TUT7: variants seen among roughly 807,000 people sequenced by gnomAD.
The protein encoded by TUT7 is terminal uridylyl transferase 7.
TUT7 carries 33 observed loss-of-function variants against 165.9 expected under a neutral mutation model. The observed-to-expected ratio is 0.20, with a 90% CI of 0.15 to 0.27. TUT7 has a LOEUF of 0.27. Among genes scored for constraint, TUT7 ranks in the 10% least tolerant of loss-of-function variants. The pLI is 1.00. For missense variants in TUT7, 1,338 were observed against 1,762.3 expected (o/e 0.76, Z 4.31); for synonymous variants, 552 against 608.1 (o/e 0.91, Z 1.36).
Position 86,323,813 on chromosome 9 carries a change from G to A in TUT7, c.1937C>T (p.Ala646Val), listed in dbSNP as rs372250530. ...AGAATGTTCTGAAATACATGTAATT[G>A]CATTCAGAGGCTTTAGAAGGCTGGA... is the stretch of plus-strand genomic sequence containing the variant. ...TKSSLLKPLN[A>V]ITCISEHSKE... Residue 646 changes from alanine (A) to valine (V), a missense_variant, in exon 13 of 27, where the codon GCA becomes GTA. Physicochemically the swap from Ala to Val is moderately conservative, Grantham distance 64 (BLOSUM62 0). Transcript: ENST00000375963. 3.1e-6 allele frequency: 5 copies of A among 1,613,836 alleles called. No individual in the cohort carries two copies. In the African/African-American group the frequency reaches 4.0e-5, roughly 13 times the overall value.
intron 26 of TUT7, among the ~76,000 whole-genome samples, chr9:86,300,402 A>G (rs1348611461): frequency 6.6e-6 from 1 of 152,204 alleles, no homozygotes; most frequent in African/African-American, 2.4e-5. Context: ...CCACAAACAT[A>G]TATATACAAC....
At chr9:86,344,051 TA>T (rs1309315390) in intron 5 of TUT7, among the ~76,000 whole-genome samples, 2 of 152,224 alleles carry the variant, frequency 1.3e-5, no homozygotes, top group African/African-American at 4.8e-5. Context: ...AAAATGAGAT[TA>T]TTTTCCCTTA....
intron 10 of TUT7, 46 bp from the exon 11 acceptor site, chr9:86,328,538 A>G (rs1326644751): frequency 2.6e-6 from 4 of 1,521,646 alleles, no homozygotes; most frequent in Non-Finnish European, 3.6e-6. Flanking sequence ...AAATAATCTT[A>G]TATCAAACAC....
chr9:86,322,850 T>C (rs1024331785), intron 13 of TUT7, 23 bp downstream of exon 13: 5 of 1,545,442 alleles, frequency 3.2e-6, no homozygotes, highest in South Asian at 1.3e-5. Context: ...CCTAGTTCTA[T>C]GACTAGTGGT....
At chr9:86,307,371 CAT>C (rs968169367) in intron 22 of TUT7, among the ~76,000 whole-genome samples, 13 of 152,144 alleles carry the variant, frequency 8.5e-5, no homozygotes, top group South Asian at 2.1e-4. Context: ...GTGTTTGACA[CAT>C]GAGATCTTTA....
intron 6 of TUT7, 55 bp downstream of exon 6, chr9:86,343,020 T>A: frequency 8.6e-7 from 1 of 1,158,994 alleles, no homozygotes; most frequent in Non-Finnish European, 1.3e-6. Flanking sequence ...TTTACATTTG[T>A]AAGAAAGAAT....
intron 26 of TUT7, among the ~76,000 whole-genome samples, chr9:86,297,911 G>A (rs1826487676): frequency 1.9e-5 from 1 of 51,912 alleles, no homozygotes; most frequent in South Asian, 6.7e-4. Flanking sequence ...TCACCCTTCT[G>A]CCTGCTCCAC....
chr9:86,317,820 A>AT (rs1232299632), intron 16 of TUT7, among the ~76,000 whole-genome samples: 1 of 152,212 alleles, frequency 6.6e-6, no homozygotes, highest in Non-Finnish European at 1.5e-5. Context: ...TCTTAAAAAC[A>AT]TTTGGGCTGA....
chr9:86,323,687 T>A lies in TUT7; in HGVS notation c.2063A>T (p.Asn688Ile). ...QGPGATSSAA[N>I]TCKVQPLTLK... Reference sequence around the variant, plus strand: ...AGTAAGTGGCTGTACCTTACAGGTATTTGCAGCTGAACTGGTAGCACCAGG... The same window carrying A: ...AGTAAGTGGCTGTACCTTACAGGTAATTGCAGCTGAACTGGTAGCACCAGG... Residue 688 changes from asparagine to isoleucine, a missense_variant, in exon 13 of 27, where the codon AAT becomes ATT. Physicochemically the swap from Asn to Ile is moderately radical, Grantham distance 149. Around this residue, in one of 7 missense-constraint regions of TUT7, gnomAD observed 425 missense variants for 474.9 expected, o/e 0.89. Transcript: ENST00000375963. 2 of 1,614,174 alleles carry A rather than the reference T, an allele frequency of 1.2e-6. No homozygotes were observed. Among genetic ancestry groups the A allele is most frequent in the Non-Finnish European group, 1.7e-6 (2 of 1,179,980 alleles).
chr9:86,319,453 A>G (rs1829023552), intron 15 of TUT7, 131 bp downstream of exon 15: 1 of 660,924 alleles, frequency 1.5e-6, no homozygotes, highest in African/African-American at 1.8e-5. Context: ...TTGGCAGACC[A>G]AGGACCATCC....
At chr9:86,354,229 A>C (rs1832553429) in intron 1 of TUT7, 42 bp downstream of exon 1, 1 of 152,710 alleles carries the variant, frequency 6.5e-6, no homozygotes, top group Admixed American at 6.5e-5. Context: ...TCGGTCACCC[A>C]AACTGGTGCG....
chr9:86,321,271 T>C (rs1326453937), intron 14 of TUT7, among the ~76,000 whole-genome samples: 1 of 151,712 alleles, frequency 6.6e-6, no homozygotes, highest in Non-Finnish European at 1.5e-5. Flanking sequence ...GCAGGAGAAT[T>C]GCTTGAACCC....
At position 86,301,562 on chromosome 9, in the gene TUT7, T is replaced by G; in HGVS notation, c.4134A>C (p.Gln1378His). 6.2e-7 allele frequency: 1 copy of G among 1,614,012 alleles called. No homozygotes were observed. Among genetic ancestry groups the G allele is most frequent in the Non-Finnish European group, 8.5e-7 (1 of 1,180,010 alleles). ...RRRDQEDALNQRYPENKEKRS... is the reference protein window; with the variant it reads ...RRRDQEDALNHRYPENKEKRS... The stretch of plus-strand genomic sequence containing the variant: ...TTTTTTCCTTGTTCTCAGGGTATCT[T>G]TGGTTCAGGGCATCTTCCTGATCTC... The change falls in exon 26 of 27, where the codon CAA (glutamine) becomes CAC (histidine). Residue 1378 changes from glutamine to histidine, a missense_variant. Physicochemically the swap from Gln to His is conservative, Grantham distance 24. This residue lies in a region of TUT7 where 167 missense variants were observed against 204.9 expected (regional missense o/e 0.82). Coordinates refer to ENST00000375963, the MANE Select transcript of TUT7 (RefSeq NM_024617.4).
intron 22 of TUT7, 58 bp from the exon 23 acceptor site, chr9:86,305,297 T>A (rs1827363355): frequency 8.6e-7 from 1 of 1,156,360 alleles, no homozygotes; most frequent in African/African-American, 1.6e-5. Context: ...CCACCATTCA[T>A]CCAATAAGTA....
rs996372920 is a variant in TUT7, at chr9:86,311,608, C to A, written c.3275-799G>T. Among the ~76,000 whole-genome samples, 2 of 136,682 alleles carry A rather than the reference C, an allele frequency of 1.5e-5. No homozygotes were observed. Among genetic ancestry groups the A allele is most frequent in the Non-Finnish European group, 3.1e-5 (2 of 63,948 alleles). 89.7% of individuals were successfully genotyped at this position (136,682 alleles called of 152,430 possible). A position where few individuals can be genotyped will look rare whatever the true frequency, so the allele number is the denominator to read the frequency against. On this transcript the variant is annotated intron_variant, in intron 17 of 26. Coordinates refer to ENST00000375963, the MANE Select transcript of TUT7 (RefSeq NM_024617.4). This position sits in a 1 kb window ranked among gnomAD's most constrained non-coding sequence, Gnocchi z 4.4. ...CCCTCTTCCCTCTCCCCTCTCCCCA[C>A]GGTCTCCCTCTCCCTCTCTTTCCAC...
At position 86,288,625 on chromosome 9, in the gene TUT7, G is replaced by T; in HGVS notation, c.*52C>A. On this transcript the variant is annotated 3_prime_UTR_variant, in exon 27 of 27. Transcript: ENST00000375963. ...TCCTGTGAAATGAACCTAATTTTCC[G>T]AGTGAATAGGAACGCCTGAGTGGCC... The T allele has an allele frequency of 2.1e-6, 3 of 1,423,756 alleles. No homozygotes were observed. The highest frequency in any genetic ancestry group is 3.0e-6 in the Non-Finnish European group (3 of 1,009,124). The allele number at this position is 1,423,756 out of a possible 1,614,324, so 88.2% of individuals were successfully genotyped here. A position where few individuals can be genotyped will look rare whatever the true frequency, so the allele number is the denominator to read the frequency against.
chr9:86,346,623 G>T, intron 2 of TUT7, 143 bp from the exon 3 acceptor site: 1 of 793,046 alleles, frequency 1.3e-6, no homozygotes, highest in Non-Finnish European at 2.0e-6. Flanking sequence ...CTGTCCTATG[G>T]ACAAAATGCT....
At position 86,299,879 on chromosome 9, in the gene TUT7, G is replaced by A. The variant is rs1826721158; in HGVS notation, c.4420+1397C>T. ...TCGAGTAATTTTAGGAATAATTTTGGGAATACTATTTAAAAGTTATCTATA... is the reference window on the plus strand; with the variant it reads ...TCGAGTAATTTTAGGAATAATTTTGAGAATACTATTTAAAAGTTATCTATA... On this transcript the variant is annotated intron_variant, in intron 26 of 26. Coordinates refer to ENST00000375963, the MANE Select transcript of TUT7 (RefSeq NM_024617.4). Among the ~76,000 whole-genome samples, 5 of 152,160 alleles carry A rather than the reference G, an allele frequency of 3.3e-5. No homozygotes were observed. The South Asian group carries it at 8.3e-4, about 25-fold the overall frequency.
intron 22 of TUT7, among the ~76,000 whole-genome samples, chr9:86,306,466 G>T (rs1827493317): frequency 6.6e-6 from 1 of 152,158 alleles, no homozygotes; most frequent in South Asian, 2.1e-4. Flanking sequence ...TTGGTTATTT[G>T]CTTGGTGTAG....
Sources: gnomAD v4.1 joint callset for allele counts (sites outside exome capture counted in the v4.1 genomes callset) on GRCh38, gnomAD v4.1.1 for gene constraint, gnomAD v4.1.1 regional missense constraint, Gnocchi (gnomAD v3.1) non-coding constraint, MANE v1.5 for transcripts, NCBI Gene and HGNC (gene_info 2026-07-23, HGNC 2026-07-21) for gene names.